The following WASHC5 variants were observed in gnomAD, a reference collection of about 807,000 sequenced individuals.
The protein encoded by WASHC5 is WASH complex subunit 5.
In WASHC5, 101 loss-of-function variants were observed where a neutral mutation model predicts 150.4. That is an observed-to-expected ratio of 0.67 (90% CI 0.57 to 0.79). The LOEUF (loss-of-function observed/expected upper bound fraction) is 0.79, where lower values mean the gene tolerates loss of function less well. WASHC5 is among the 30% of genes least tolerant of loss of function. WASHC5 has a pLI of 0.00. For missense variants in WASHC5, 1,195 were observed against 1,396.3 expected (o/e 0.86, Z 2.30); for synonymous variants, 467 against 491.2 (o/e 0.95, Z 0.65).
intron 10 of WASHC5, among the ~76,000 whole-genome samples, chr8:125,067,024 T>C (rs1816760774): frequency 6.6e-6 from 1 of 152,222 alleles, no homozygotes; most frequent in South Asian, 2.1e-4. Flanking sequence ...AGTGTGATTC[T>C]GTTTTTTTGA....
chr8:125,038,116 T>C (rs765513025), intron 25 of WASHC5, among the ~76,000 whole-genome samples: 4 of 152,214 alleles, frequency 2.6e-5, no homozygotes, highest in Non-Finnish European at 5.9e-5. Context: ...GCACTTGTTA[T>C]GCAGTAAATA....
At chr8:125,025,257 A>AT (rs112329327) in intron 28 of WASHC5, among the ~76,000 whole-genome samples, 24,709 of 151,958 alleles carry the variant, frequency 0.16, 3,735 homozygotes, top group African/African-American at 0.4. Flanking sequence ...GCAGTGTTTA[A>AT]TTTTTTTTCT....
At chr8:125,034,174 G>A (rs112177606) in intron 26 of WASHC5, among the ~76,000 whole-genome samples, 179 of 152,232 alleles carry the variant, frequency 1.2e-3, no homozygotes, top group African/African-American at 4.1e-3. Flanking sequence ...GCAAATTAAA[G>A]CTGCAACAAG....
At chr8:125,056,473 G>T (rs1816409976) in intron 16 of WASHC5, among the ~76,000 whole-genome samples, 1 of 152,170 alleles carries the variant, frequency 6.6e-6, no homozygotes, top group African/African-American at 2.4e-5. Context: ...AGGCGAACAA[G>T]GCCTTAAGTG....
rs1815799146 is a variant in WASHC5, at chr8:125,038,955, G to A, written c.2959C>T (p.Leu987Phe). The A allele has an allele frequency of 1.9e-6, 3 of 1,613,612 alleles. No individual in the cohort carries two copies. Among genetic ancestry groups the A allele is most frequent in the African/African-American group, 2.7e-5 (2 of 74,920 alleles). Reference sequence around the variant, plus strand: ...TAGTGGGCTTCAATGTCTGCTAGGAGAGCCCTAAAGGAAGAAAAACCCTGG... The same window carrying A: ...TAGTGGGCTTCAATGTCTGCTAGGAAAGCCCTAAAGGAAGAAAAACCCTGG... ...AAALENLNKA[L>F]LADIEAHYQD... is the part of the protein sequence containing the mutation. Residue 987 changes from leucine to phenylalanine, a missense_variant, in exon 25 of 29, where the codon CTC becomes TTC. Physicochemically the swap from Leu to Phe is conservative, Grantham distance 22. Transcript: ENST00000318410.
At chr8:125,028,815 A>AGATG in intron 27 of WASHC5, 108 bp from the exon 28 acceptor site, 1 of 769,120 alleles carries the variant, frequency 1.3e-6, no homozygotes, top group Non-Finnish European at 2.3e-6. Flanking sequence ...ATGAAGTCAA[A>AGATG]GATGAACAAA....
At position 125,049,048 on chromosome 8, in the gene WASHC5, A is replaced by G. The variant is rs774410498; in HGVS notation, c.2337T>C (p.Asn779=). 1 of 1,613,808 alleles carries G rather than the reference A, an allele frequency of 6.2e-7. No homozygotes were observed. The highest frequency in any genetic ancestry group is 8.5e-7 in the Non-Finnish European group (1 of 1,179,802). Reference sequence around the variant, plus strand: ...TATTACACTCTTGCTCCACGTTGTAATTTATGATACGAGATACTTCTTCCT... The same window carrying G: ...TATTACACTCTTGCTCCACGTTGTAGTTTATGATACGAGATACTTCTTCCT... The part of the protein sequence containing the change: ...IWQEEVSRII[N]YNVEQECNNF... Residue 779 remains asparagine (N), a synonymous_variant, in exon 19 of 29, where the codon AAT becomes AAC. Transcript: ENST00000318410.
At position 125,050,635 on chromosome 8, in the gene WASHC5, T is replaced by C. The variant is rs1816213235; in HGVS notation, c.2128A>G (p.Ile710Val). 6.2e-7 allele frequency: 1 copy of C among 1,614,174 alleles called. No individual in the cohort carries two copies. The highest frequency in any genetic ancestry group is 8.5e-7 in the Non-Finnish European group (1 of 1,179,992). ...VDPKQLLEDGIRKELVKRVAF... is the reference protein window; with the variant it reads ...VDPKQLLEDGVRKELVKRVAF... ...ACGCGCTTCACAAGCTCTTTCCTTA[T>C]TCCATCTTCCAGCAACTGCTTTGGA... Residue 710 changes from isoleucine to valine, a missense_variant, in exon 18 of 29, where the codon ATA becomes GTA. Transcript: ENST00000318410.
rs150342929 is a variant in WASHC5 at position 125,047,415 on chromosome 8, A to G, written c.2380-84T>C. On this transcript the variant is annotated intron_variant, in intron 19 of 28. Coordinates refer to ENST00000318410, the MANE Select transcript of WASHC5 (RefSeq NM_014846.4). ...TTTTCCATATAATTTTACAAAGATA[A>G]TATTGCATAAAGAGTGACAATAAAG... 2.2e-6 allele frequency: 3 copies of G among 1,366,484 alleles called. No individual in the cohort carries two copies. The African/African-American group carries it at 4.3e-5, about 20-fold the overall frequency. 84.6% of individuals were successfully genotyped at this position (1,366,484 alleles called of 1,614,324 possible). A position where few individuals can be genotyped will look rare whatever the true frequency, so the allele number is the denominator to read the frequency against.
Position 125,087,604 on chromosome 8 carries a change from G to A in WASHC5, c.-124-3582C>T, listed in dbSNP as rs149772755. ...GAATATCAGTCAGGTATGGTGGTGC[G>A]AGCCTGTAGTCCCAGTGACAAGGGA... On this transcript the variant is annotated intron_variant, in intron 1 of 28. Coordinates refer to ENST00000318410, the MANE Select transcript of WASHC5 (RefSeq NM_014846.4). Among the ~76,000 whole-genome samples the A allele has an allele frequency of 2.6e-4, 40 of 151,976 alleles. No homozygotes were observed. The South Asian group carries it at 3.8e-3, about 14-fold the overall frequency.
At position 125,044,038 on chromosome 8, in the gene WASHC5, A is replaced by G. The variant is rs1484291960; in HGVS notation, c.2724T>C (p.Thr908=). 6.2e-7 allele frequency: 1 copy of G among 1,613,984 alleles called. No homozygotes were observed. The highest frequency in any genetic ancestry group is 1.1e-5 in the South Asian group (1 of 91,070). Residue 908 remains threonine, a synonymous_variant, in exon 22 of 29, where the codon ACT becomes ACC. Coordinates refer to ENST00000318410, the MANE Select transcript of WASHC5 (RefSeq NM_014846.4). ...IILRDRTVQD[T]LKTLMNAVSP... Reference sequence around the variant, plus strand: ...TGACAGCATTCATGAGGGTTTTTAAAGTGTCCTGAACAGTTCTGTCTCTCA... The same window carrying G: ...TGACAGCATTCATGAGGGTTTTTAAGGTGTCCTGAACAGTTCTGTCTCTCA...
At chr8:125,054,766 C>A (rs1816356989) in intron 17 of WASHC5, among the ~76,000 whole-genome samples, 1 of 151,414 alleles carries the variant, frequency 6.6e-6, no homozygotes, top group African/African-American at 2.4e-5. Flanking sequence ...CTGCAGGGAG[C>A]CGAGATTGCA....
chr8:125,044,661 C>CAT lies in WASHC5; in HGVS notation c.2540_2541dup (p.Asp848MetfsTer3). ...GTCACTTCCTGATGAGTTTTCATAT[C>CAT]ATACCAAGTGTTCAGCTGGTCTATG... On this transcript the variant is annotated frameshift_variant, in exon 21 of 29. Coordinates refer to ENST00000318410, the MANE Select transcript of WASHC5 (RefSeq NM_014846.4). LOFTEE classifies it high-confidence loss of function. 6.2e-7 allele frequency: 1 copy of CAT among 1,614,086 alleles called. No individual in the cohort carries two copies. The highest frequency in any genetic ancestry group is 1.3e-5 in the African/African-American group (1 of 75,024).
chr8:125,039,110 G>C (rs1815806999), intron 24 of WASHC5, 151 bp from the exon 25 acceptor site: 3 of 907,202 alleles, frequency 3.3e-6, no homozygotes, highest in South Asian at 2.9e-5. Flanking sequence ...CCATGCCTGT[G>C]ATTGGTTTTA....
intron 1 of WASHC5, among the ~76,000 whole-genome samples, chr8:125,084,558 G>T (rs192439980): frequency 1.3e-5 from 2 of 152,278 alleles, no homozygotes; most frequent in Admixed American, 1.3e-4. Flanking sequence ...AAATCAAACT[G>T]GTCCAAAAGT....
chr8:125,088,218 T>C (rs933756104), intron 1 of WASHC5, among the ~76,000 whole-genome samples: 6 of 147,796 alleles, frequency 4.1e-5, no homozygotes, highest in Non-Finnish European at 5.9e-5. Context: ...CTGAGGCACA[T>C]GGATCACCTG....
At chr8:125,082,107 A>T (rs1469912880) in intron 4 of WASHC5, among the ~76,000 whole-genome samples, 1 of 152,230 alleles carries the variant, frequency 6.6e-6, no homozygotes, top group Non-Finnish European at 1.5e-5. Context: ...TGTACTAGGT[A>T]TCAGGACAGA....
chr8:125,069,623 T>C (rs573499162), intron 9 of WASHC5, among the ~76,000 whole-genome samples: 1 of 152,308 alleles, frequency 6.6e-6, no homozygotes, highest in African/African-American at 2.4e-5. Context: ...AAGGTCATCT[T>C]ATATGCTGAT....
At chr8:125,038,673 G>C (rs1012644323) in intron 25 of WASHC5, among the ~76,000 whole-genome samples, 157 bp downstream of exon 25, 2 of 152,218 alleles carry the variant, frequency 1.3e-5, no homozygotes, top group African/African-American at 4.8e-5. Flanking sequence ...GGCGGGGAAA[G>C]TGTGATGATT....
Sources: gnomAD v4.1 joint callset for allele counts (sites outside exome capture counted in the v4.1 genomes callset) on GRCh38, gnomAD v4.1.1 for gene constraint, MANE v1.5 for transcripts, NCBI Gene and HGNC (gene_info 2026-07-23, HGNC 2026-07-21) for gene names.